The following NUDT4 variants were observed in gnomAD, a reference collection of about 807,000 sequenced individuals.
NUDT4 encodes the protein nudix hydrolase 4.
In NUDT4, 5 loss-of-function variants were observed where a neutral mutation model predicts 23.1. The observed-to-expected ratio is 0.22, with a 90% confidence interval of 0.11 to 0.46. NUDT4 has a LOEUF of 0.46. Ranked by LOEUF, NUDT4 falls within the 20% of genes least tolerant of loss-of-function variation. The pLI, the probability that NUDT4 is intolerant of heterozygous loss-of-function variation, is 0.99. For missense variants in NUDT4, 96 were observed against 211.6 expected (o/e 0.45, Z 3.39); for synonymous variants, 50 against 79.0 (o/e 0.63, Z 1.95).
At chr12:93,392,952 A>G (rs1876660464) in intron 1 of NUDT4, among the ~76,000 whole-genome samples, 1 of 138,332 alleles carries the variant, frequency 7.2e-6, no homozygotes, top group Admixed American at 7.5e-5. Flanking sequence ...AAGTGCTAGG[A>G]TTACAGGCAT....
At chr12:93,384,132 C>T (rs966334841) in intron 1 of NUDT4, among the ~76,000 whole-genome samples, 19 of 152,094 alleles carry the variant, frequency 1.2e-4, no homozygotes, top group African/African-American at 4.3e-4. Flanking sequence ...GAGGAGGACC[C>T]GTCAGGTGAT....
rs1332840531 is a variant in NUDT4 at position 93,378,240 on chromosome 12, C to T, written c.-83C>T. 1.8e-6 allele frequency: 1 copy of T among 552,096 alleles called. No homozygotes were observed. The highest frequency in any genetic ancestry group is 3.0e-6 in the Non-Finnish European group (1 of 338,010). The allele number at this position is 552,096 out of a possible 1,614,324, so 34.2% of individuals were successfully genotyped here. On this transcript the variant is annotated 5_prime_UTR_variant, in exon 1 of 5. Transcript: ENST00000415493. The stretch of plus-strand genomic sequence containing the variant: ...GCTCCTGCGCCCGACTCGCCCTCGC[C>T]CCCACTCCCCGGCGGGGTGGCGGCG...
intron 1 of NUDT4, among the ~76,000 whole-genome samples, chr12:93,390,125 G>A (rs1876383509): frequency 6.6e-6 from 1 of 152,144 alleles, no homozygotes; most frequent in Admixed American, 6.5e-5. Context: ...TATTTACTAA[G>A]TGATGATGTA....
At position 93,405,070 on chromosome 12, in the gene NUDT4, A is replaced by G. The variant is rs1877729267; in HGVS notation, c.*5691A>G. 1 of 152,150 alleles carries G rather than the reference A, an allele frequency of 6.6e-6. No individual in the cohort carries two copies. Among genetic ancestry groups the G allele is most frequent in the South Asian group, 2.1e-4 (1 of 4,820 alleles). The allele number at this position is 152,150 out of a possible 1,614,324, so 9.4% of individuals were successfully genotyped here. On this transcript the variant is annotated 3_prime_UTR_variant, in exon 5 of 5. Transcript: ENST00000415493. ...GAAAAAAACAACATGAATTGTAATAACTTGGACTTACTTGGTTGCTCAGTC... is the reference window on the plus strand; with the variant it reads ...GAAAAAAACAACATGAATTGTAATAGCTTGGACTTACTTGGTTGCTCAGTC...
Position 93,394,664 on chromosome 12 carries a change from G to T in NUDT4, c.155G>T (p.Gly52Val). ...GACCAGTGGATTGTCCCAGGAGGAG[G>T]AATGGAACCCGAGGAGGAACCTGGC... ...YPDQWIVPGG[G>V]MEPEEEPGGA... Residue 52 changes from glycine (G) to valine (V), a missense_variant, in exon 2 of 5, where the codon GGA (glycine) becomes GTA (valine). Gly to Val is a moderately radical substitution (Grantham distance 109). Transcript: ENST00000415493. 1 of 1,556,332 alleles carries T rather than the reference G, an allele frequency of 6.4e-7. No individual in the cohort carries two copies. Among genetic ancestry groups the T allele is most frequent in the Non-Finnish European group, 8.7e-7 (1 of 1,149,618 alleles).
rs1317111099 is a variant in NUDT4, at chr12:93,405,880, A to G, written c.*6501A>G. On this transcript the variant is annotated 3_prime_UTR_variant, in exon 5 of 5. Coordinates refer to ENST00000415493, the MANE Select transcript of NUDT4 (RefSeq NM_019094.6). ...GAATGAAATATTACATTTTTCTTAA[A>G]TAAAGCAATAAATTAGGTACCCTAT... The G allele has an allele frequency of 6.6e-6, 1 of 152,208 alleles. No homozygotes were observed. The allele number at this position is 152,208 out of a possible 1,614,324, so 9.4% of individuals were successfully genotyped here.
intron 1 of NUDT4, chr12:93,378,646 T>C (rs1875392134): frequency 8.4e-7 from 1 of 1,195,324 alleles, no homozygotes; most frequent in Non-Finnish European, 1.0e-6. Flanking sequence ...AGTTTCTCCA[T>C]CTGGGCACTC....
At position 93,395,547 on chromosome 12, in the gene NUDT4, T is replaced by G; in HGVS notation, c.255+14T>G. ...GGCATATTTGAGGTGAGTTAAAAAGTAATCTTCACTTTGCTGATAATAGAA... is the reference window on the plus strand; with the variant it reads ...GGCATATTTGAGGTGAGTTAAAAAGGAATCTTCACTTTGCTGATAATAGAA... On this transcript the variant is annotated intron_variant, in intron 3 of 4. Transcript: ENST00000415493. 1 of 1,588,872 alleles carries G rather than the reference T, an allele frequency of 6.3e-7. No individual in the cohort carries two copies. Among genetic ancestry groups the G allele is most frequent in the African/African-American group, 1.3e-5 (1 of 74,458 alleles).
chr12:93,392,412 C>G (rs558363498), intron 1 of NUDT4, among the ~76,000 whole-genome samples: 3 of 150,396 alleles, frequency 2.0e-5, no homozygotes, highest in Non-Finnish European at 4.4e-5. Flanking sequence ...CCTTCCACCA[C>G]GCCCGGCTAA....
In NUDT4 at chr12:93,404,797, G is replaced by GT. The variant is rs752471401; in HGVS notation, c.*5422dup. 2.0e-5 allele frequency: 3 copies of GT among 152,030 alleles called. No homozygotes were observed. Among genetic ancestry groups the GT allele is most frequent in the Non-Finnish European group, 2.9e-5 (2 of 68,010 alleles). The allele number at this position is 152,030 out of a possible 1,614,324, so 9.4% of individuals were successfully genotyped here. A position where few individuals can be genotyped will look rare whatever the true frequency, so the allele number is the denominator to read the frequency against. The stretch of plus-strand genomic sequence containing the variant: ...TAAACGCCTGTATGGTTTAAAAAAT[G>GT]TTTTGGGAAATAGACATGAGCAGGG... On this transcript the variant is annotated 3_prime_UTR_variant, in exon 5 of 5. Transcript: ENST00000415493.
chr12:93,392,378 C>T (rs1038185688), intron 1 of NUDT4, among the ~76,000 whole-genome samples: 9 of 150,384 alleles, frequency 6.0e-5, no homozygotes, highest in African/African-American at 2.2e-4. Context: ...GCCACAGCCT[C>T]CTAAGTAGCT....
chr12:93,394,857 T>A (rs1349749382), intron 2 of NUDT4, 138 bp downstream of exon 2: 1 of 568,976 alleles, frequency 1.8e-6, no homozygotes, highest in Non-Finnish European at 3.1e-6. Context: ...AATTTTTTTT[T>A]TTATTTTTTG....
In NUDT4 at chr12:93,399,407, TGTGCAGTCTCATGGG is replaced by T; in HGVS notation, c.*30_*44del. On this transcript the variant is annotated 3_prime_UTR_variant, in exon 5 of 5. Coordinates refer to ENST00000415493, the MANE Select transcript of NUDT4 (RefSeq NM_019094.6). ...AGAACTGGGTAGGCCTCTCCCACCATGTGCAGTCTCATGGGGAGAGGCTTCTTTCGTTTCCTCGTC... is the reference window on the plus strand; with the variant it reads ...AGAACTGGGTAGGCCTCTCCCACCATGAGAGGCTTCTTTCGTTTCCTCGTC... 2 of 590,460 alleles carry T rather than the reference TGTGCAGTCTCATGGG, an allele frequency of 3.4e-6. No individual in the cohort carries two copies. Among genetic ancestry groups the T allele is most frequent in the Non-Finnish European group, 5.9e-6 (2 of 339,292 alleles). 36.6% of individuals were successfully genotyped at this position (590,460 alleles called of 1,614,324 possible).
At chr12:93,384,756 C>T (rs1875941498) in intron 1 of NUDT4, among the ~76,000 whole-genome samples, 1 of 151,764 alleles carries the variant, frequency 6.6e-6, no homozygotes, top group Non-Finnish European at 1.5e-5. Context: ...TGACTACTGT[C>T]AATACACTAT....
intron 1 of NUDT4, chr12:93,378,728 G>C: frequency 9.2e-7 from 1 of 1,082,548 alleles, no homozygotes. Context: ...CCATCTTAAC[G>C]TGCGAATTGA....
At chr12:93,398,698 T>C in intron 3 of NUDT4, 73 bp from the exon 4 acceptor site, 1 of 1,033,960 alleles carries the variant, frequency 9.7e-7, no homozygotes. Context: ...CCAGACTAAT[T>C]TTTTTCCCTT....
chr12:93,384,384 G>T (rs1183221069), intron 1 of NUDT4, among the ~76,000 whole-genome samples: 1 of 152,056 alleles, frequency 6.6e-6, no homozygotes. Context: ...GGCCAGGATG[G>T]TCTTGATCTC....
chr12:93,396,323 CTTA>C (rs1201037406), intron 3 of NUDT4, among the ~76,000 whole-genome samples: 1 of 152,080 alleles, frequency 6.6e-6, no homozygotes, highest in African/African-American at 2.4e-5. Flanking sequence ...CATATATTCT[CTTA>C]TTACTGAAGG....
chr12:93,404,048 C>T lies in NUDT4; in HGVS notation c.*4669C>T, dbSNP rs968651836. The T allele has an allele frequency of 1.3e-5, 2 of 152,200 alleles. No homozygotes were observed. The highest frequency in any genetic ancestry group is 2.9e-5 in the Non-Finnish European group (2 of 68,042). The allele number at this position is 152,200 out of a possible 1,614,324, so 9.4% of individuals were successfully genotyped here. A position where few individuals can be genotyped will look rare whatever the true frequency, so the allele number is the denominator to read the frequency against. On this transcript the variant is annotated 3_prime_UTR_variant, in exon 5 of 5. Transcript: ENST00000415493. ...TGACAAACATCTCCCAATATGTAGA[C>T]TCCCACTCTCCTGATGCTAATCAGT...
Sources: allele counts gnomAD v4.1 joint callset (sites outside exome capture counted in the v4.1 genomes callset), GRCh38; gene constraint gnomAD v4.1.1; transcripts MANE v1.5; gene names NCBI Gene and HGNC (gene_info 2026-07-23, HGNC 2026-07-21).